The following DSC3 variants were observed in gnomAD, a reference collection of about 807,000 sequenced individuals.
The protein encoded by DSC3 is desmocollin-3.
DSC3 carries 97 observed loss-of-function variants against 89.5 expected under a neutral mutation model. The ratio of observed to expected loss-of-function variants is 1.08; its 90% CI spans 0.92 to 1.28. DSC3 has a LOEUF of 1.28. Among genes scored for constraint, DSC3 ranks in the 50% most tolerant of loss-of-function variants. The pLI, the probability that DSC3 is intolerant of heterozygous loss-of-function variation, is 0.00. For synonymous variants in DSC3, 436 were observed against 384.1 expected (o/e 1.14, Z -1.58); for missense variants, 1,199 against 1,085.3 (o/e 1.10, Z -1.47).
At chr18:31,018,932 T>C in intron 7 of DSC3, 132 bp from the exon 8 acceptor site, 1 of 870,784 alleles carries the variant, frequency 1.1e-6, no homozygotes, top group Non-Finnish European at 1.9e-6. Flanking sequence ...CTGATTTCCA[T>C]ATTTGCACAG....
Position 31,024,509 on chromosome 18 carries a change from A to T in DSC3, c.631-16T>A, listed in dbSNP as rs976894184. 3.7e-6 allele frequency: 6 copies of T among 1,610,964 alleles called. No individual in the cohort carries two copies. In the Admixed American group the frequency reaches 1.0e-4, roughly 27 times the overall value. On this transcript the variant is annotated splice_polypyrimidine_tract_variant and intron_variant, in intron 5 of 15. Coordinates refer to ENST00000360428, the MANE Select transcript of DSC3 (RefSeq NM_001941.5). Reference sequence around the variant, plus strand: ...AAGCAATCAACTGCAAAATAGCAAAAAGAAAGTTCCATTAATATCAGATCC... The same window carrying T: ...AAGCAATCAACTGCAAAATAGCAAATAGAAAGTTCCATTAATATCAGATCC...
intron 14 of DSC3, 142 bp downstream of exon 14, chr18:31,001,476 T>G (rs1313579): frequency 2.1e-6 from 2 of 931,874 alleles, no homozygotes; most frequent in East Asian, 5.4e-5. Flanking sequence ...TATAAACATA[T>G]GAATATTGAC....
At chr18:31,039,788 G>A (rs1177765912) in intron 1 of DSC3, among the ~76,000 whole-genome samples, 2 of 152,168 alleles carry the variant, frequency 1.3e-5, no homozygotes, top group Non-Finnish European at 1.5e-5. Context: ...TCCGTATCTA[G>A]CTGTATCTCA....
rs1984484891 is a variant in DSC3, at chr18:30,996,836, G to A, written c.2448C>T (p.Tyr816=). The A allele has an allele frequency of 6.2e-7, 1 of 1,613,516 alleles. No homozygotes were observed. Among genetic ancestry groups the A allele is most frequent in the Non-Finnish European group, 8.5e-7 (1 of 1,179,980 alleles). Residue 816 remains tyrosine (Y), a synonymous_variant, in exon 15 of 16, where the codon TAC becomes TAT. Transcript: ENST00000360428. The part of the protein sequence containing the change: ...GGHTEVDNCR[Y]TYSEWHSFTQ... ...TAAAACTGTGCCACTCCGAGTAAGTGTATCTGCAGTTGTCCACCTCCGTGT... is the reference window on the plus strand; with the variant it reads ...TAAAACTGTGCCACTCCGAGTAAGTATATCTGCAGTTGTCCACCTCCGTGT...
rs1017267833 is a variant in DSC3, at chr18:31,042,634, G to C, written c.27C>G (p.Ser9=). 38 of 1,550,110 alleles carry C rather than the reference G, an allele frequency of 2.5e-5. No homozygotes were observed. Among genetic ancestry groups the C allele is most frequent in the Non-Finnish European group, 2.9e-5 (33 of 1,146,686 alleles). MAAAGPRR[S]VRGAVCLHLL... The stretch of plus-strand genomic sequence containing the variant: ...GATGCAGGCAGACGGCTCCGCGCAC[G>C]GAGCGCCGGGGCCCAGCGGCGGCCA... The change falls in exon 1 of 16, where the codon TCC becomes TCG. Residue 9 remains serine, a synonymous_variant. Coordinates refer to ENST00000360428, the MANE Select transcript of DSC3 (RefSeq NM_001941.5).
At chr18:31,004,509 C>G (rs1414535755) in intron 12 of DSC3, 143 bp from the exon 13 acceptor site, 1 of 718,134 alleles carries the variant, frequency 1.4e-6, no homozygotes, top group Non-Finnish European at 2.3e-6. Context: ...GGACTGTCTT[C>G]AACCCTTTCA....
chr18:31,031,727 A>G (rs1279326739), intron 2 of DSC3, among the ~76,000 whole-genome samples: 2 of 152,158 alleles, frequency 1.3e-5, no homozygotes, highest in African/African-American at 2.4e-5. Context: ...AAGCTTTCCA[A>G]GGCCGCACAC....
At chr18:31,031,258 A>G (rs1418738057) in intron 2 of DSC3, 86 bp from the exon 3 acceptor site, 4 of 958,520 alleles carry the variant, frequency 4.2e-6, no homozygotes, top group Non-Finnish European at 4.7e-6. Context: ...ATTCTTAAAA[A>G]CCATGAAGTG....
At position 30,991,776 on chromosome 18, in the gene DSC3, G is replaced by A. The variant is rs945312785; in HGVS notation, c.*2399C>T. The A allele has an allele frequency of 6.6e-6, 1 of 152,092 alleles. No individual in the cohort carries two copies. The highest frequency in any genetic ancestry group is 6.6e-5 in the Admixed American group (1 of 15,260). 9.4% of individuals were successfully genotyped at this position (152,092 alleles called of 1,614,324 possible). A position where few individuals can be genotyped will look rare whatever the true frequency, so the allele number is the denominator to read the frequency against. ...GAGTTCTTTCTCCCCCTGGCTTCTC[G>A]ACTGTCTTTTGGTTGAGTATTTCAA... On this transcript the variant is annotated 3_prime_UTR_variant, in exon 16 of 16. Coordinates refer to ENST00000360428, the MANE Select transcript of DSC3 (RefSeq NM_001941.5).
intron 7 of DSC3, among the ~76,000 whole-genome samples, chr18:31,021,014 T>C (rs1985400572): frequency 1.3e-5 from 2 of 151,756 alleles, no homozygotes. Context: ...CCGTATGCTT[T>C]AAGAATCCCT....
chr18:31,018,862 C>G, intron 7 of DSC3, 62 bp from the exon 8 acceptor site: 1 of 1,483,594 alleles, frequency 6.7e-7, no homozygotes, highest in Non-Finnish European at 9.3e-7. Flanking sequence ...ATAAATGAAA[C>G]CTCAATTGCA....
intron 4 of DSC3, among the ~76,000 whole-genome samples, chr18:31,026,497 A>G (rs1985603652): frequency 1.3e-5 from 2 of 152,114 alleles, no homozygotes; most frequent in South Asian, 2.1e-4. Flanking sequence ...CAGGTAGACC[A>G]CTGAGGAAGT....
chr18:31,029,395 A>C (rs1330086475), intron 4 of DSC3, 114 bp downstream of exon 4: 2 of 1,378,558 alleles, frequency 1.5e-6, no homozygotes, highest in East Asian at 4.8e-5. Flanking sequence ...GTTACACCTC[A>C]TGAACATCTT....
At chr18:31,001,300 T>A (rs1427554129) in intron 14 of DSC3, among the ~76,000 whole-genome samples, 3 of 151,502 alleles carry the variant, frequency 2.0e-5, no homozygotes, top group African/African-American at 7.3e-5. Context: ...ACAAGTTACA[T>A]AAACAAATTA....
At position 31,004,354 on chromosome 18, in the gene DSC3, C is replaced by G; in HGVS notation, c.1901G>C (p.Arg634Pro). The change falls in exon 13 of 16, where the codon CGT becomes CCT. Residue 634 changes from arginine (R) to proline (P), a missense_variant. Coordinates refer to ENST00000360428, the MANE Select transcript of DSC3 (RefSeq NM_001941.5). ...SLTKVNDTAA[R>P]LSYQKNAGFQ... ...TCCAGCATTTTTCTGATATGAAAGA[C>G]GGGCAGCTGTATCTGAAAGAAAATA... The G allele has an allele frequency of 6.2e-7, 1 of 1,613,452 alleles. No individual in the cohort carries two copies. The highest frequency in any genetic ancestry group is 8.5e-7 in the Non-Finnish European group (1 of 1,179,594).
intron 14 of DSC3, 38 bp from the exon 15 acceptor site, chr18:30,997,086 A>G (rs1034340873): frequency 1.2e-6 from 2 of 1,612,496 alleles, no homozygotes; most frequent in Non-Finnish European, 1.7e-6. Context: ...GTTGAGAGGA[A>G]ATGGATTCTA....
In DSC3 at chr18:31,018,068, T is replaced by G. The variant is rs200455659; in HGVS notation, c.1263+3A>C. 6 of 1,610,392 alleles carry G rather than the reference T, an allele frequency of 3.7e-6. No individual in the cohort carries two copies. The highest frequency in any genetic ancestry group is 5.1e-6 in the Non-Finnish European group (6 of 1,177,668). On this transcript the variant is annotated splice_donor_region_variant and intron_variant, in intron 9 of 15. Coordinates refer to ENST00000360428, the MANE Select transcript of DSC3 (RefSeq NM_001941.5). ...CTAAGTTGTCAATTATACATTACTG[T>G]ACCTTTACAACAGAAAGAACACCTT...
chr18:31,018,156 A>G lies in DSC3; in HGVS notation c.1178T>C (p.Phe393Ser). Residue 393 changes from phenylalanine to serine, a missense_variant, in exon 9 of 16, where the codon TTT (phenylalanine) becomes TCT (serine). Transcript: ENST00000360428. Reference protein sequence around the residue: ...LINTANWRVNFTILKGNENGH... With the variant: ...LINTANWRVNSTILKGNENGH... ...ATTTTCATTTCCCTTTAAAATGGTA[A>G]AATTGACTCTCCAATTGGCAGTGTT... 1 of 1,612,404 alleles carries G rather than the reference A, an allele frequency of 6.2e-7. No individual in the cohort carries two copies. The highest frequency in any genetic ancestry group is 8.5e-7 in the Non-Finnish European group (1 of 1,179,124).
intron 13 of DSC3, among the ~76,000 whole-genome samples, chr18:31,002,430 G>T (rs1421221531): frequency 6.6e-6 from 1 of 152,192 alleles, no homozygotes; most frequent in Non-Finnish European, 1.5e-5. Context: ...GCCGGGTGCA[G>T]TGGCTCACGC....
Sources: gnomAD v4.1 joint callset for allele counts (sites outside exome capture counted in the v4.1 genomes callset) on GRCh38, gnomAD v4.1.1 for gene constraint, MANE v1.5 for transcripts, NCBI Gene and HGNC (gene_info 2026-07-23, HGNC 2026-07-21) for gene names.